The following INTS9 variants were observed in gnomAD, a reference collection of about 807,000 sequenced individuals.
INTS9 encodes integrator complex subunit 9, also known as protein related to CPSF subunits of 74 kDa.
A neutral mutation model predicts 79.7 loss-of-function variants in INTS9; 55 were observed. That is an observed-to-expected ratio of 0.69 (90% CI 0.56 to 0.86). The LOEUF (loss-of-function observed/expected upper bound fraction) is 0.86, where lower values mean the gene tolerates loss of function less well. Among genes scored for constraint, INTS9 ranks in the 40% least tolerant of loss-of-function variants. The pLI is 0.00. For synonymous variants in INTS9, 319 were observed against 325.2 expected (o/e 0.98, Z 0.20); for missense variants, 721 against 831.5 (o/e 0.87, Z 1.64).
chr8:28,880,064 T>C (rs1195502736), intron 1 of INTS9, among the ~76,000 whole-genome samples: 1 of 151,718 alleles, frequency 6.6e-6, no homozygotes, highest in Non-Finnish European at 1.5e-5. Flanking sequence ...TTAAACAATG[T>C]AAAAAAAGGT....
chr8:28,832,623 G>T (rs1806560174), intron 6 of INTS9, among the ~76,000 whole-genome samples: 1 of 152,138 alleles, frequency 6.6e-6, no homozygotes, highest in Non-Finnish European at 1.5e-5. Flanking sequence ...GTGCGACCTT[G>T]GGCAAGTTAC....
At chr8:28,815,852 A>G (rs1805438899) in intron 6 of INTS9, among the ~76,000 whole-genome samples, 1 of 152,146 alleles carries the variant, frequency 6.6e-6, no homozygotes. Flanking sequence ...AATTGCTAAA[A>G]TGAAGAGACA....
At position 28,812,385 on chromosome 8, in the gene INTS9, G is replaced by A. The variant is rs1805199873; in HGVS notation, c.686C>T (p.Ser229Phe). ...ALGSSNWIIQ[S>F]HYEKVSYVSG... ...GACATAAGACACTTTCTCGTAATGA[G>A]ACTGGATGATCCAGTTGGAGCTCCC... Residue 229 changes from serine (S) to phenylalanine (F), a missense_variant, in exon 8 of 17, where the codon TCT becomes TTT. Physicochemically the swap from Ser to Phe is radical, Grantham distance 155 (BLOSUM62 -2). Transcript: ENST00000521022. 1 of 1,613,674 alleles carries A rather than the reference G, an allele frequency of 6.2e-7. No homozygotes were observed. The highest frequency in any genetic ancestry group is 1.3e-5 in the African/African-American group (1 of 74,926).
At chr8:28,839,378 T>C (rs373935536) in intron 4 of INTS9, among the ~76,000 whole-genome samples, 55 of 151,952 alleles carry the variant, frequency 3.6e-4, no homozygotes, top group African/African-American at 1.2e-3. Context: ...AGGTAATTTA[T>C]AGATTCAATG....
rs975740177 is a variant in INTS9 at position 28,859,761 on chromosome 8, C to G, written c.10-198G>C. 6.0e-6 allele frequency: 4 copies of G among 664,144 alleles called. No homozygotes were observed. The African/African-American group carries it at 7.1e-5, about 12-fold the overall frequency. 41.1% of individuals were successfully genotyped at this position (664,144 alleles called of 1,614,324 possible). On this transcript the variant is annotated intron_variant, in intron 1 of 16. Transcript: ENST00000521022. Reference sequence around the variant, plus strand: ...TTCAAAATACTCAAAATTCTCAGATCACACCCATCTGTCTTTTCACAGGGT... The same window carrying G: ...TTCAAAATACTCAAAATTCTCAGATGACACCCATCTGTCTTTTCACAGGGT...
At chr8:28,889,318 T>C (rs1810432314) in intron 1 of INTS9, among the ~76,000 whole-genome samples, 1 of 152,216 alleles carries the variant, frequency 6.6e-6, no homozygotes, top group South Asian at 2.1e-4. Flanking sequence ...ATAACACTTC[T>C]CTGCCCATCT....
intron 1 of INTS9, among the ~76,000 whole-genome samples, chr8:28,884,832 G>A (rs1352561261): frequency 6.6e-6 from 1 of 152,212 alleles, no homozygotes; most frequent in Non-Finnish European, 1.5e-5. Context: ...ATCAAGCACC[G>A]ATAAAATGTT....
chr8:28,845,110 T>C (rs1183390531), intron 4 of INTS9, among the ~76,000 whole-genome samples: 1 of 152,250 alleles, frequency 6.6e-6, no homozygotes, highest in Non-Finnish European at 1.5e-5. Flanking sequence ...AAGATTACTC[T>C]ATCTTTAAAA....
In INTS9 at chr8:28,812,413, G is replaced by A; in HGVS notation, c.658C>T (p.Leu220Phe). The A allele has an allele frequency of 1.2e-6, 2 of 1,614,016 alleles. No individual in the cohort carries two copies. Among genetic ancestry groups the A allele is most frequent in the Non-Finnish European group, 1.7e-6 (2 of 1,179,924 alleles). ...QVTPLSSGYA[L>F]GSSNWIIQSH... ...TGGATGATCCAGTTGGAGCTCCCAA[G>A]GGCATAGCCAGAGCTCAGAGGAGTC... Residue 220 changes from leucine (L) to phenylalanine (F), a missense_variant, in exon 8 of 17, where the codon CTT becomes TTT. Coordinates refer to ENST00000521022, the MANE Select transcript of INTS9 (RefSeq NM_018250.4).
chr8:28,787,840 GA>G lies in INTS9; in HGVS notation c.1086del (p.Pro363LeufsTer11). 2 of 1,608,118 alleles carry G rather than the reference GA, an allele frequency of 1.2e-6. No homozygotes were observed. The highest frequency in any genetic ancestry group is 1.7e-6 in the Non-Finnish European group (2 of 1,175,286). On this transcript the variant is annotated frameshift_variant, in exon 11 of 17. Coordinates refer to ENST00000521022, the MANE Select transcript of INTS9 (RefSeq NM_018250.4). LOFTEE classifies it high-confidence loss of function. ...QSKVYLPEPP[F>X]PHAELIQTNK... The stretch of plus-strand genomic sequence containing the variant: ...TTTTGTTTTCTTACCTCTGCATGAG[GA>G]AAAGGTGGTTCTGGAAGATACACCT...
chr8:28,771,830 C>T (rs942885529), intron 14 of INTS9, among the ~76,000 whole-genome samples: 3 of 152,146 alleles, frequency 2.0e-5, no homozygotes, highest in African/African-American at 7.2e-5. Flanking sequence ...TCTCCCTGGG[C>T]AGCCATGCAC....
chr8:28,777,751 C>A (rs1802978035), intron 13 of INTS9, 78 bp downstream of exon 13: 6 of 1,471,506 alleles, frequency 4.1e-6, no homozygotes, highest in Non-Finnish European at 4.5e-6. Flanking sequence ...CTAGATCTCT[C>A]TCCCCTCACC....
At chr8:28,876,061 A>C (rs1809367000) in intron 1 of INTS9, among the ~76,000 whole-genome samples, 1 of 152,102 alleles carries the variant, frequency 6.6e-6, no homozygotes, top group South Asian at 2.1e-4. Context: ...GTTTCTATGG[A>C]GATTTTTTTT....
At chr8:28,830,497 A>C (rs1029191157) in intron 6 of INTS9, among the ~76,000 whole-genome samples, 1 of 151,964 alleles carries the variant, frequency 6.6e-6, no homozygotes, top group East Asian at 1.9e-4. Context: ...GGTGGTGGGC[A>C]TCTCTAGTCC....
intron 2 of INTS9, among the ~76,000 whole-genome samples, chr8:28,851,028 A>G (rs560828407): frequency 5.5e-4 from 84 of 152,358 alleles, no homozygotes; most frequent in African/African-American, 1.9e-3. Flanking sequence ...GAAAGTGCCA[A>G]TAACTCAGGA....
At chr8:28,798,924 C>G (rs1804363177) in intron 8 of INTS9, among the ~76,000 whole-genome samples, 1 of 152,188 alleles carries the variant, frequency 6.6e-6, no homozygotes, top group Non-Finnish European at 1.5e-5. Context: ...ATGTTTGCAC[C>G]ACTGCGCTTT....
intron 1 of INTS9, among the ~76,000 whole-genome samples, chr8:28,861,269 G>C (rs572220444): frequency 6.6e-6 from 1 of 152,100 alleles, no homozygotes; most frequent in African/African-American, 2.4e-5. Context: ...AGATATTCCT[G>C]TCCCCACCCT....
intron 8 of INTS9, among the ~76,000 whole-genome samples, chr8:28,797,661 T>C (rs1421680371): frequency 2.0e-5 from 3 of 152,126 alleles, no homozygotes; most frequent in Admixed American, 2.0e-4. Flanking sequence ...AGGATTAAAA[T>C]AAGAAACCAA....
At chr8:28,875,782 T>C (rs942008321) in intron 1 of INTS9, among the ~76,000 whole-genome samples, 1 of 152,242 alleles carries the variant, frequency 6.6e-6, no homozygotes, top group African/African-American at 2.4e-5. Flanking sequence ...GTTTGTTCAA[T>C]AGTGAGTTAC....
Sources: allele counts gnomAD v4.1 joint callset (sites outside exome capture counted in the v4.1 genomes callset), GRCh38; gene constraint gnomAD v4.1.1; transcripts MANE v1.5; gene names NCBI Gene and HGNC (gene_info 2026-07-23, HGNC 2026-07-21).